Variants in LIN7A observed in about 807,000 individuals in gnomAD.
LIN7A encodes protein lin-7 homolog A.
LIN7A carries 25 observed loss-of-function variants against 29.8 expected under a neutral mutation model. The ratio of observed to expected loss-of-function variants is 0.84; its 90% CI spans 0.61 to 1.17. LIN7A has a LOEUF of 1.17. LIN7A is among the 50% of genes most tolerant of loss of function. The probability of loss-of-function intolerance (pLI) is 0.00; values close to 1 mark genes in which losing one functional copy is unlikely to be tolerated. For synonymous variants in LIN7A, 118 were observed against 107.5 expected (o/e 1.10, Z -0.60); for missense variants, 239 against 287.0 (o/e 0.83, Z 1.21).
intron 5 of LIN7A, among the ~76,000 whole-genome samples, chr12:80,800,162 T>A: frequency 6.6e-6 from 1 of 152,070 alleles, no homozygotes; most frequent in Non-Finnish European, 1.5e-5. Flanking sequence ...ATCCACCATT[T>A]TGATAACCTA....
intron 4 of LIN7A, chr12:80,845,435 CTGTATTCT>C: frequency 3.7e-6 from 1 of 271,994 alleles, no homozygotes; most frequent in Non-Finnish European, 6.7e-6. Context: ...CTTGAAATTA[CTGTATTCT>C]TGTAAATGTT....
intron 4 of LIN7A, among the ~76,000 whole-genome samples, chr12:80,814,254 C>T (rs1871427898): frequency 6.6e-6 from 1 of 152,080 alleles, no homozygotes; most frequent in African/African-American, 2.4e-5. Flanking sequence ...CAGCATCGTG[C>T]AATATAAACC....
At chr12:80,875,856 AAGAT>A (rs532964150) in intron 2 of LIN7A, among the ~76,000 whole-genome samples, 38 of 152,312 alleles carry the variant, frequency 2.5e-4, no homozygotes, top group African/African-American at 8.4e-4. Context: ...TAACTTTAAT[AAGAT>A]AGATAGAGAT....
chr12:80,834,361 T>C (rs1184682915), intron 4 of LIN7A, among the ~76,000 whole-genome samples: 3 of 152,196 alleles, frequency 2.0e-5, no homozygotes, highest in African/African-American at 7.2e-5. Flanking sequence ...ATTTACACAG[T>C]TGGTGATAAT....
chr12:80,911,483 C>T (rs7296876), intron 1 of LIN7A, among the ~76,000 whole-genome samples: 45,456 of 151,704 alleles, frequency 0.3, 9,751 homozygotes, highest in African/African-American at 0.59. Flanking sequence ...AATTTATAAA[C>T]AAGACATTTA....
At chr12:80,920,152 G>C (rs898844710) in intron 1 of LIN7A, among the ~76,000 whole-genome samples, 1 of 152,184 alleles carries the variant, frequency 6.6e-6, no homozygotes, top group Non-Finnish European at 1.5e-5. Flanking sequence ...CTCTGCAGCC[G>C]TAGCAGGAAA....
At chr12:80,799,029 G>T (rs1449681973) in intron 5 of LIN7A, among the ~76,000 whole-genome samples, 1 of 152,130 alleles carries the variant, frequency 6.6e-6, no homozygotes, top group Admixed American at 6.5e-5. Context: ...ACCGTGCCTG[G>T]CCTAGAGGCT....
chr12:80,868,517 G>A (rs1235055880), intron 2 of LIN7A, among the ~76,000 whole-genome samples: 12 of 152,134 alleles, frequency 7.9e-5, no homozygotes, highest in Admixed American at 6.5e-4. Flanking sequence ...GCAGTGGGCC[G>A]AGATTGCGCC....
rs1870386711 is a variant in LIN7A at position 80,795,099 on chromosome 12, T to C, written c.*2628A>G. On this transcript the variant is annotated 3_prime_UTR_variant, in exon 6 of 6. Coordinates refer to ENST00000552864, the MANE Select transcript of LIN7A (RefSeq NM_004664.4). ...GAGCTTCATGTCAGAGCAATGCAGG[T>C]TTTTATTTTAATATAATTTGGGACA... 1 of 152,108 alleles carries C rather than the reference T, an allele frequency of 6.6e-6. No homozygotes were observed. Among genetic ancestry groups the C allele is most frequent in the Non-Finnish European group, 1.5e-5 (1 of 67,986 alleles). The allele number at this position is 152,108 out of a possible 1,614,324, so 9.4% of individuals were successfully genotyped here. A position where few individuals can be genotyped will look rare whatever the true frequency, so the allele number is the denominator to read the frequency against.
chr12:80,892,916 G>T (rs985008588), intron 1 of LIN7A, among the ~76,000 whole-genome samples: 1 of 152,086 alleles, frequency 6.6e-6, no homozygotes, highest in Non-Finnish European at 1.5e-5. Flanking sequence ...CATATTATTG[G>T]TTCTAAACAC....
Position 80,797,910 on chromosome 12 carries a change from A to T in LIN7A, c.*1-184T>A, listed in dbSNP as rs187736292. Among the ~76,000 whole-genome samples the T allele has an allele frequency of 5.9e-5, 9 of 152,368 alleles. No individual in the cohort carries two copies. The East Asian group carries it at 1.3e-3, about 23-fold the overall frequency. ...TTTGATGTTTGCAAAGGAAGTAATTATCAAATGAGGATGGAAAAGCCACAG... is the reference window on the plus strand; with the variant it reads ...TTTGATGTTTGCAAAGGAAGTAATTTTCAAATGAGGATGGAAAAGCCACAG... On this transcript the variant is annotated intron_variant, in intron 5 of 5. Transcript: ENST00000552864.
chr12:80,930,813 T>A (rs1877857934), intron 1 of LIN7A, among the ~76,000 whole-genome samples: 1 of 152,216 alleles, frequency 6.6e-6, no homozygotes, highest in African/African-American at 2.4e-5. Flanking sequence ...TATTTTAGGT[T>A]AGAAGGCTTT....
rs570187157 is a variant in LIN7A, at chr12:80,919,449, G to A, written c.82+18192C>T. On this transcript the variant is annotated intron_variant, in intron 1 of 5. Transcript: ENST00000552864. ...CTAAAATGTTTAACAAATTCAGGAA[G>A]GGCCAACTGTGAGCAGGGATGAGTA... 5.3e-4 allele frequency among the ~76,000 whole-genome samples: 80 copies of A among 152,272 alleles called. 1 individual carries two copies. The highest frequency in any genetic ancestry group is 9.0e-4 in the Non-Finnish European group (61 of 68,016).
At chr12:80,861,816 T>A (rs3782166) in intron 2 of LIN7A, among the ~76,000 whole-genome samples, 52,092 of 151,910 alleles carry the variant, frequency 0.34, 10,490 homozygotes, top group African/African-American at 0.57. Flanking sequence ...AAAACAGACA[T>A]GACTTAAAGA....
At chr12:80,927,925 T>G (rs1280889749) in intron 1 of LIN7A, among the ~76,000 whole-genome samples, 1 of 152,156 alleles carries the variant, frequency 6.6e-6, no homozygotes, top group African/African-American at 2.4e-5. Context: ...TTCTCATTGT[T>G]CAATTCCCAT....
chr12:80,846,619 G>A (rs1283886496), intron 3 of LIN7A, among the ~76,000 whole-genome samples: 1 of 151,868 alleles, frequency 6.6e-6, no homozygotes, highest in African/African-American at 2.4e-5. Context: ...ATCTTATCTG[G>A]AACAGGATTT....
intron 4 of LIN7A, among the ~76,000 whole-genome samples, chr12:80,818,613 A>C (rs1871646646): frequency 6.6e-6 from 1 of 152,208 alleles, no homozygotes; most frequent in Admixed American, 6.5e-5. Context: ...TGTTTAGGCC[A>C]GTCATTCTTA....
chr12:80,864,096 A>T (rs961960327), intron 2 of LIN7A, among the ~76,000 whole-genome samples: 1 of 152,194 alleles, frequency 6.6e-6, no homozygotes, highest in Non-Finnish European at 1.5e-5. Context: ...ATTTATATCT[A>T]TAGAAGTCTC....
intron 1 of LIN7A, among the ~76,000 whole-genome samples, chr12:80,911,268 A>ATTTTTT (rs768907424): frequency 9.4e-6 from 1 of 105,888 alleles, no homozygotes; most frequent in Non-Finnish European, 2.0e-5. Context: ...AAGTTTGTCT[A>ATTTTTT]TTTTTTTTTT....
Sources: allele counts gnomAD v4.1 joint callset (sites outside exome capture counted in the v4.1 genomes callset), GRCh38; gene constraint gnomAD v4.1.1; transcripts MANE v1.5; gene names NCBI Gene and HGNC (gene_info 2026-07-23, HGNC 2026-07-21).